Variants in ADGRB1 observed in about 807,000 individuals in gnomAD.
The protein encoded by ADGRB1 is adhesion G protein-coupled receptor B1, also known as brain-specific angiogenesis inhibitor 1.
A neutral mutation model predicts 175.7 loss-of-function variants in ADGRB1; 36 were observed. The observed-to-expected ratio is 0.20, with a 90% confidence interval of 0.16 to 0.27. The LOEUF (loss-of-function observed/expected upper bound fraction) is 0.27, where lower values mean the gene tolerates loss of function less well. Among genes scored for constraint, ADGRB1 ranks in the 10% least tolerant of loss-of-function variants. ADGRB1 has a pLI of 1.00. For missense variants in ADGRB1, 1,731 were observed against 2,255.3 expected (o/e 0.77, Z 4.71); for synonymous variants, 1,054 against 979.4 (o/e 1.08, Z -1.42).
intron 17 of ADGRB1, among the ~76,000 whole-genome samples, chr8:142,506,616 C>T (rs776823070): frequency 3.3e-5 from 5 of 152,218 alleles, no homozygotes; most frequent in Non-Finnish European, 4.4e-5. Flanking sequence ...TGCCTGTTTG[C>T]AGAGATGGGA....
chr8:142,466,491 G>A (rs1840283427), intron 2 of ADGRB1, among the ~76,000 whole-genome samples: 1 of 152,222 alleles, frequency 6.6e-6, no homozygotes, highest in Admixed American at 6.5e-5. Context: ...CCAGTGGCCC[G>A]AGGAGGAGGG....
At position 142,488,576 on chromosome 8, in the gene ADGRB1, C is replaced by T. The variant is rs367986007; in HGVS notation, c.2452+69C>T. On this transcript the variant is annotated intron_variant, in intron 14 of 30. Coordinates refer to ENST00000517894, the MANE Select transcript of ADGRB1 (RefSeq NM_001702.3). ...GGGCCCCAGAGTCGGACGGTCACCA[C>T]CCTTCTGGAGTCTAGCTGCTGCCTC... 4.3e-4 allele frequency: 674 copies of T among 1,577,402 alleles called. 2 individuals are homozygous for T. In the African/African-American group the frequency reaches 6.7e-3, roughly 16 times the overall value.
intron 7 of ADGRB1, among the ~76,000 whole-genome samples, 160 bp downstream of exon 7, chr8:142,478,520 C>T (rs1841128144): frequency 8.1e-6 from 1 of 123,624 alleles, no homozygotes; most frequent in Non-Finnish European, 1.7e-5. Flanking sequence ...GTGGGGGAAA[C>T]GGAGCATGGG....
At chr8:142,520,443 G>A (rs1843749342) in intron 19 of ADGRB1, among the ~76,000 whole-genome samples, 11 of 133,200 alleles carry the variant, frequency 8.3e-5, no homozygotes, top group Non-Finnish European at 1.1e-4. Context: ...GATGATGGTG[G>A]TGATGGTGAT....
In ADGRB1 at chr8:142,537,099, G is replaced by C. The variant is rs369010338; in HGVS notation, c.3666+17G>C. ...CAGCTCATGGTAGGACTCAGGGCCC[G>C]GGGACTCAGGCTGCCCTACCTGCCT... On this transcript the variant is annotated intron_variant, in intron 26 of 30. Coordinates refer to ENST00000517894, the MANE Select transcript of ADGRB1 (RefSeq NM_001702.3). The surrounding 1 kb of genome is among the most constrained non-coding windows in gnomAD (Gnocchi z 4.6). 1.4e-6 allele frequency: 2 copies of C among 1,468,356 alleles called. No homozygotes were observed. Among genetic ancestry groups the C allele is most frequent in the South Asian group, 2.8e-5 (2 of 70,560 alleles). The allele number at this position is 1,468,356 out of a possible 1,614,324, so 91.0% of individuals were successfully genotyped here.
rs377137520 is a variant in ADGRB1, at chr8:142,463,416, C to G, written c.-219-564C>G. On this transcript the variant is annotated intron_variant, in intron 1 of 30. Transcript: ENST00000517894. ...GCTCTCCAAGCCTTTAGAAAGGGCT[C>G]GGGGGCCAGACGGGAGGCTGGGGAA... is the stretch of plus-strand genomic sequence containing the variant. Among the ~76,000 whole-genome samples the G allele has an allele frequency of 3.3e-5, 5 of 152,346 alleles. No individual in the cohort carries two copies. In the South Asian group the frequency reaches 1.0e-3, roughly 32 times the overall value.
At chr8:142,477,050 C>T (rs1841018838) in intron 4 of ADGRB1, 64 bp from the exon 5 acceptor site, 1 of 1,440,370 alleles carries the variant, frequency 6.9e-7, no homozygotes, top group Non-Finnish European at 9.1e-7. Flanking sequence ...GCTGCGGGGT[C>T]TGGCCCCGGT....
intron 18 of ADGRB1, among the ~76,000 whole-genome samples, chr8:142,516,161 T>A (rs958131459): frequency 6.7e-6 from 1 of 149,310 alleles, no homozygotes; most frequent in Non-Finnish European, 1.5e-5. Context: ...CAGGTGTGCG[T>A]GTGTGGGAGC....
At chr8:142,506,155 T>A (rs1350100599) in intron 17 of ADGRB1, among the ~76,000 whole-genome samples, 1 of 152,178 alleles carries the variant, frequency 6.6e-6, no homozygotes, top group African/African-American at 2.4e-5. Flanking sequence ...TCCCTTGGGT[T>A]TCTTGGCACG....
chr8:142,461,447 G>C (rs529568609), intron 1 of ADGRB1, among the ~76,000 whole-genome samples: 1 of 152,334 alleles, frequency 6.6e-6, no homozygotes, highest in East Asian at 1.9e-4. Context: ...GACACCAGCC[G>C]CGTCGTGGCC....
At chr8:142,497,913 T>C (rs1057251479) in intron 17 of ADGRB1, among the ~76,000 whole-genome samples, 2 of 152,292 alleles carry the variant, frequency 1.3e-5, no homozygotes, top group East Asian at 1.9e-4. Flanking sequence ...CAAGCCCCCA[T>C]GGCCTGAACT....
Position 142,464,085 on chromosome 8 carries a change from C to CCCCACCCA in ADGRB1, c.-114_-113insCCCACCCA. On this transcript the variant is annotated 5_prime_UTR_variant, in exon 2 of 31. Transcript: ENST00000517894. Reference sequence around the variant, plus strand: ...GCCCTCTCCCATCCCACCCTTGCCCCGCCTCCCTGCCCCCACCGGGCCGGC... The same window carrying CCCCACCCA: ...GCCCTCTCCCATCCCACCCTTGCCCCCCCACCCAGCCTCCCTGCCCCCACCGGGCCGGC... The CCCCACCCA allele has an allele frequency of 4.5e-5, 35 of 769,400 alleles. No individual in the cohort carries two copies. The highest frequency in any genetic ancestry group is 1.9e-4 in the East Asian group (4 of 21,444). 47.7% of individuals were successfully genotyped at this position (769,400 alleles called of 1,614,324 possible).
intron 18 of ADGRB1, among the ~76,000 whole-genome samples, chr8:142,515,194 C>T (rs1035212522): frequency 2.6e-5 from 4 of 152,094 alleles, no homozygotes; most frequent in East Asian, 1.9e-4. Context: ...TCAGGGAAGG[C>T]GTGCAGGGCA....
chr8:142,511,670 C>T lies in ADGRB1; in HGVS notation c.2817+597C>T, dbSNP rs996016044. Among the ~76,000 whole-genome samples the T allele has an allele frequency of 3.9e-5, 6 of 152,206 alleles. No individual in the cohort carries two copies. The South Asian group carries it at 6.2e-4, about 16-fold the overall frequency. On this transcript the variant is annotated intron_variant, in intron 18 of 30. Coordinates refer to ENST00000517894, the MANE Select transcript of ADGRB1 (RefSeq NM_001702.3). This position sits in a 1 kb window ranked among gnomAD's most constrained non-coding sequence, Gnocchi z 4.5. ...TGGGGGCTGCCGGTTTCTATGGAGA[C>T]GGCATCTGGGGTCAGCCGCTGGCAG... is the stretch of plus-strand genomic sequence containing the variant.
At chr8:142,527,863 A>C (rs1399295442) in intron 24 of ADGRB1, among the ~76,000 whole-genome samples, 2 of 152,174 alleles carry the variant, frequency 1.3e-5, no homozygotes, top group Non-Finnish European at 2.9e-5. Flanking sequence ...TAAAGCTGAG[A>C]AATGGAGGTT....
chr8:142,483,119 C>G (rs540648371), intron 11 of ADGRB1, among the ~76,000 whole-genome samples: 42 of 149,378 alleles, frequency 2.8e-4, no homozygotes, highest in African/African-American at 8.4e-4. Context: ...CCTGCTGAAC[C>G]CTGACCTTGG....
chr8:142,460,432 G>A (rs1053545910), intron 1 of ADGRB1, among the ~76,000 whole-genome samples: 1 of 152,222 alleles, frequency 6.6e-6, no homozygotes, highest in Non-Finnish European at 1.5e-5. Context: ...CCGGCCTTCC[G>A]GCCAATATGG....
At chr8:142,470,954 C>T (rs1840629556) in intron 2 of ADGRB1, among the ~76,000 whole-genome samples, 1 of 152,116 alleles carries the variant, frequency 6.6e-6, no homozygotes, top group African/African-American at 2.4e-5. Context: ...CTGGGGTGTG[C>T]AGGGGCAGAG....
In ADGRB1 at chr8:142,510,819, CGGGCCGGGGCCG is replaced by C; in HGVS notation, c.2676-102_2676-91del. ...GGCTGCGGGCGCAGGTGCGGGGCGGCGGGCCGGGGCCGGGGCCGGGGCGCGGAGCCGCCGCTC... is the reference window on the plus strand; with the variant it reads ...GGCTGCGGGCGCAGGTGCGGGGCGGCGGGCCGGGGCGCGGAGCCGCCGCTC... On this transcript the variant is annotated intron_variant, in intron 17 of 30. Coordinates refer to ENST00000517894, the MANE Select transcript of ADGRB1 (RefSeq NM_001702.3). This position sits in a 1 kb window ranked among gnomAD's most constrained non-coding sequence, Gnocchi z 6.3. The C allele has an allele frequency of 2.5e-5, 11 of 439,672 alleles. No individual in the cohort carries two copies. The highest frequency in any genetic ancestry group is 1.9e-4 in the South Asian group (2 of 10,728). The allele number at this position is 439,672 out of a possible 1,614,324, so 27.2% of individuals were successfully genotyped here.
Sources: gnomAD v4.1 joint callset for allele counts (sites outside exome capture counted in the v4.1 genomes callset) on GRCh38, gnomAD v4.1.1 for gene constraint, Gnocchi (gnomAD v3.1) non-coding constraint, MANE v1.5 for transcripts, NCBI Gene and HGNC (gene_info 2026-07-23, HGNC 2026-07-21) for gene names.